The following ANKRD17 variants were observed in gnomAD, a reference collection of about 807,000 sequenced individuals.
ANKRD17 encodes ankyrin repeat domain-containing protein 17.
A neutral mutation model predicts 229.7 loss-of-function variants in ANKRD17; 19 were observed. The observed-to-expected ratio is 0.08, with a 90% CI of 0.06 to 0.12. ANKRD17 has a LOEUF of 0.12. Among genes scored for constraint, ANKRD17 ranks in the 10% least tolerant of loss-of-function variants. ANKRD17 has a pLI of 1.00. For synonymous variants in ANKRD17, 1,112 were observed against 1,146.1 expected, an observed-to-expected ratio of 0.97 and a Z score of 0.60; for missense variants, 2,176 against 3,176.8, an observed-to-expected ratio of 0.68 and a Z score of 7.57.
intron 27 of ANKRD17, among the ~76,000 whole-genome samples, chr4:73,094,632 G>A (rs1377907952): frequency 6.6e-6 from 1 of 151,542 alleles, no homozygotes; most frequent in East Asian, 1.9e-4. Flanking sequence ...GCAATAGTAT[G>A]TGTGTACACA....
At chr4:73,184,196 G>GCAAA (rs1735960500) in intron 1 of ANKRD17, among the ~76,000 whole-genome samples, 2 of 152,124 alleles carry the variant, frequency 1.3e-5, no homozygotes, top group African/African-American at 4.8e-5. Context: ...GGTTCGTTCT[G>GCAAA]TAGTTTAATA....
At chr4:73,196,868 T>C (rs913712115) in intron 1 of ANKRD17, among the ~76,000 whole-genome samples, 7 of 152,176 alleles carry the variant, frequency 4.6e-5, no homozygotes, top group African/African-American at 1.7e-4. Flanking sequence ...AAAATCTGAT[T>C]TACATTTTAA....
chr4:73,221,308 T>A (rs1741817500), intron 1 of ANKRD17, among the ~76,000 whole-genome samples: 1 of 152,016 alleles, frequency 6.6e-6, no homozygotes, highest in Admixed American at 6.6e-5. Flanking sequence ...AATCTTAACA[T>A]GGTATTAAAC....
intron 24 of ANKRD17, among the ~76,000 whole-genome samples, chr4:73,105,699 G>A (rs901661902): frequency 3.3e-5 from 5 of 152,186 alleles, no homozygotes; most frequent in Admixed American, 2.0e-4. Context: ...GGAGAAGGAG[G>A]TCACATGGTT....
chr4:73,230,516 G>C (rs1396025084), intron 1 of ANKRD17, among the ~76,000 whole-genome samples: 1 of 151,984 alleles, frequency 6.6e-6, no homozygotes, highest in South Asian at 2.1e-4. Context: ...ACCTCCAAGA[G>C]GCTATAATCT....
At chr4:73,179,717 T>G (rs929099289) in intron 1 of ANKRD17, among the ~76,000 whole-genome samples, 6 of 151,258 alleles carry the variant, frequency 4.0e-5, no homozygotes, top group Non-Finnish European at 7.4e-5. Flanking sequence ...CCTCCCACTT[T>G]GGCCTCCCAA....
intron 22 of ANKRD17, 48 bp downstream of exon 22, chr4:73,118,640 A>G: frequency 6.3e-7 from 1 of 1,597,996 alleles, no homozygotes; most frequent in Non-Finnish European, 8.6e-7. Context: ...TGTACTTCCT[A>G]GTGTAAGTAA....
At chr4:73,187,964 T>C (rs1736518915) in intron 1 of ANKRD17, among the ~76,000 whole-genome samples, 1 of 152,094 alleles carries the variant, frequency 6.6e-6, no homozygotes, top group Admixed American at 6.5e-5. Context: ...GAAATAGAAG[T>C]AATTAACTGT....
intron 1 of ANKRD17, among the ~76,000 whole-genome samples, chr4:73,182,886 C>G (rs1735767037): frequency 6.6e-6 from 1 of 152,158 alleles, no homozygotes; most frequent in Non-Finnish European, 1.5e-5. Flanking sequence ...CCTATACTCA[C>G]TAAATGCCAG....
chr4:73,098,651 A>G, intron 25 of ANKRD17, 131 bp from the exon 26 acceptor site: 3 of 924,320 alleles, frequency 3.2e-6, no homozygotes, highest in South Asian at 1.7e-5. Context: ...TTATTCTCAC[A>G]TTCATCGGTA....
intron 16 of ANKRD17, among the ~76,000 whole-genome samples, chr4:73,132,158 T>C (rs984332805): frequency 7.3e-4 from 109 of 149,694 alleles, no homozygotes; most frequent in African/African-American, 2.4e-3. Flanking sequence ...CAGGCTGGAG[T>C]GCAGTGGTAT....
intron 16 of ANKRD17, among the ~76,000 whole-genome samples, chr4:73,132,528 T>C (rs2148766565): frequency 6.6e-6 from 1 of 152,292 alleles, no homozygotes; most frequent in East Asian, 1.9e-4. Context: ...TAAACACATA[T>C]GGTAAAACTC....
chr4:73,099,043 AACC>A (rs142233956), intron 25 of ANKRD17: 22,914 of 969,664 alleles, frequency 0.024, 371 homozygotes, highest in Non-Finnish European at 0.03. Flanking sequence ...AGACCCGGAA[AACC>A]ACCACAACTC....
At chr4:73,161,013 TG>T (rs1473459472) in intron 3 of ANKRD17, among the ~76,000 whole-genome samples, 178 bp downstream of exon 3, 1 of 152,230 alleles carries the variant, frequency 6.6e-6, no homozygotes, top group Non-Finnish European at 1.5e-5. Flanking sequence ...ATCTGTAAAA[TG>T]GGAGTAAAAA....
chr4:73,190,888 C>G (rs1054845243), intron 1 of ANKRD17, among the ~76,000 whole-genome samples: 1 of 151,546 alleles, frequency 6.6e-6, no homozygotes. Context: ...TACTAAAGGA[C>G]AAAACAAAAA....
At chr4:73,234,308 C>T (rs1476865478) in intron 1 of ANKRD17, among the ~76,000 whole-genome samples, 1 of 152,114 alleles carries the variant, frequency 6.6e-6, no homozygotes, top group African/African-American at 2.4e-5. Flanking sequence ...CTTTTAAATG[C>T]AACTATGATT....
rs989600676 is a variant in ANKRD17, at chr4:73,258,740, C to A, written c.-72G>T. 7 of 1,372,888 alleles carry A rather than the reference C, an allele frequency of 5.1e-6. No homozygotes were observed. The East Asian group carries it at 2.1e-4, about 42-fold the overall frequency. 85.0% of individuals were successfully genotyped at this position (1,372,888 alleles called of 1,614,324 possible). A position where few individuals can be genotyped will look rare whatever the true frequency, so the allele number is the denominator to read the frequency against. On this transcript the variant is annotated 5_prime_UTR_variant, in exon 1 of 34. Coordinates refer to ENST00000358602, the MANE Select transcript of ANKRD17 (RefSeq NM_032217.5). ...ACGCTCTACCGCGACTTCGGCCGCACTGGGGCCGACACAGCAATCGGTGCC... is the reference window on the plus strand; with the variant it reads ...ACGCTCTACCGCGACTTCGGCCGCAATGGGGCCGACACAGCAATCGGTGCC...
intron 1 of ANKRD17, among the ~76,000 whole-genome samples, chr4:73,226,398 T>TG (rs2149226401): frequency 7.2e-6 from 1 of 138,522 alleles, no homozygotes; most frequent in East Asian, 2.1e-4. Context: ...TGTTTTTTTT[T>TG]TTTTTTTTTT....
rs1271163158 is a variant in ANKRD17 at position 73,073,736 on chromosome 4, A to T, written c.*2495T>A. ...AACAGTGAAGTCAGTGTTTGTAAAT[A>T]TGTTGATTATGTTGAAATGTATGTT... is the stretch of plus-strand genomic sequence containing the variant. On this transcript the variant is annotated 3_prime_UTR_variant, in exon 34 of 34. Transcript: ENST00000358602. 6.6e-6 allele frequency: 1 copy of T among 151,976 alleles called. No individual in the cohort carries two copies. Among genetic ancestry groups the T allele is most frequent in the Admixed American group, 6.5e-5 (1 of 15,274 alleles). 9.4% of individuals were successfully genotyped at this position (151,976 alleles called of 1,614,324 possible). A position where few individuals can be genotyped will look rare whatever the true frequency, so the allele number is the denominator to read the frequency against.
Sources: gnomAD v4.1 joint callset for allele counts (sites outside exome capture counted in the v4.1 genomes callset) on GRCh38, gnomAD v4.1.1 for gene constraint, MANE v1.5 for transcripts, NCBI Gene and HGNC (gene_info 2026-07-23, HGNC 2026-07-21) for gene names.